TMEM33: variants seen among roughly 807,000 people sequenced by gnomAD.
The protein encoded by TMEM33 is transmembrane protein 33.
A neutral mutation model predicts 29.7 loss-of-function variants in TMEM33; 16 were observed. The ratio of observed to expected loss-of-function variants is 0.54; its 90% CI spans 0.36 to 0.82. The LOEUF is 0.82. TMEM33 is among the 40% of genes least tolerant of loss of function. The pLI, the probability that TMEM33 is intolerant of heterozygous loss-of-function variation, is 0.00. For synonymous variants in TMEM33, 112 were observed against 109.4 expected (o/e 1.02, Z -0.15); for missense variants, 252 against 295.3 (o/e 0.85, Z 1.08).
chr4:41,954,323 C>T lies in TMEM33; in HGVS notation c.*124C>T. Reference sequence around the variant, plus strand: ...CCAATTTACATAATTTACATAAATGCATCTCGGTGGAAAAATAATCATTTT... The same window carrying T: ...CCAATTTACATAATTTACATAAATGTATCTCGGTGGAAAAATAATCATTTT... On this transcript the variant is annotated 3_prime_UTR_variant, in exon 7 of 7. Transcript: ENST00000504986. 1 of 1,026,562 alleles carries T rather than the reference C, an allele frequency of 9.7e-7. No homozygotes were observed. The highest frequency in any genetic ancestry group is 2.3e-5 in the South Asian group (1 of 43,618). 63.6% of individuals were successfully genotyped at this position (1,026,562 alleles called of 1,614,324 possible). A position where few individuals can be genotyped will look rare whatever the true frequency, so the allele number is the denominator to read the frequency against.
chr4:41,952,948 T>C (rs1280908541), intron 6 of TMEM33, among the ~76,000 whole-genome samples: 2 of 152,090 alleles, frequency 1.3e-5, no homozygotes, highest in East Asian at 3.9e-4. Flanking sequence ...ACACTGTCCA[T>C]GTAGTATATT....
chr4:41,938,707 T>C lies in TMEM33; in HGVS notation c.140+11T>C. ...TCTGCCTCTTCTTGGGTATGTATTA[T>C]ACATATTGCTGCCTTTGATATTCAA... On this transcript the variant is annotated intron_variant, in intron 2 of 6. Coordinates refer to ENST00000504986, the MANE Select transcript of TMEM33 (RefSeq NM_018126.3). 3 of 1,613,010 alleles carry C rather than the reference T, an allele frequency of 1.9e-6. No homozygotes were observed. Among genetic ancestry groups the C allele is most frequent in the Non-Finnish European group, 2.5e-6 (3 of 1,179,028 alleles).
intron 1 of TMEM33, 119 bp from the exon 2 acceptor site, chr4:41,938,483 T>C: frequency 1.0e-6 from 1 of 956,814 alleles, no homozygotes; most frequent in South Asian, 1.5e-5. Context: ...CCTAATGATC[T>C]AAAAAAACAA....
At chr4:41,953,003 A>G (rs1713108229) in intron 6 of TMEM33, among the ~76,000 whole-genome samples, 1 of 152,096 alleles carries the variant, frequency 6.6e-6, no homozygotes, top group African/African-American at 2.4e-5. Context: ...TGCCTAAGTT[A>G]AATGTGAAAA....
At chr4:41,938,723 TG>T in intron 2 of TMEM33, 27 bp downstream of exon 2, 1 of 1,607,192 alleles carries the variant, frequency 6.2e-7, no homozygotes, top group Non-Finnish European at 8.5e-7. Flanking sequence ...TTGCTGCCTT[TG>T]ATATTCAATT....
At chr4:41,949,560 G>GT (rs1387160325) in intron 6 of TMEM33, among the ~76,000 whole-genome samples, 175 bp downstream of exon 6, 5 of 152,128 alleles carry the variant, frequency 3.3e-5, no homozygotes, top group African/African-American at 1.2e-4. Flanking sequence ...GGAAGTGGTT[G>GT]TATTTGTTCT....
At position 41,954,489 on chromosome 4, in the gene TMEM33, A is replaced by C. The variant is rs74553828; in HGVS notation, c.*290A>C. ...CTGTTGTGCCTATATCATGAAGTAC[A>C]TTAATTTCTCATGTAAAAAAAATAG... On this transcript the variant is annotated 3_prime_UTR_variant, in exon 7 of 7. Transcript: ENST00000504986. 17 of 191,498 alleles carry C rather than the reference A, an allele frequency of 8.9e-5. No homozygotes were observed. The highest frequency in any genetic ancestry group is 6.9e-4 in the Admixed American group (12 of 17,404). The allele number at this position is 191,498 out of a possible 1,614,324, so 11.9% of individuals were successfully genotyped here. A position where few individuals can be genotyped will look rare whatever the true frequency, so the allele number is the denominator to read the frequency against.
chr4:41,955,642 A>T lies in TMEM33; in HGVS notation c.*1443A>T, dbSNP rs974943698. On this transcript the variant is annotated 3_prime_UTR_variant, in exon 7 of 7. Coordinates refer to ENST00000504986, the MANE Select transcript of TMEM33 (RefSeq NM_018126.3). The stretch of plus-strand genomic sequence containing the variant: ...AAATTATACTTGATAGCTTAACTAT[A>T]ATCAGCTATTTTTGTATTTTTGTAA... The T allele has an allele frequency of 6.6e-6, 1 of 152,664 alleles. No homozygotes were observed. Among genetic ancestry groups the T allele is most frequent in the Non-Finnish European group, 1.5e-5 (1 of 68,038 alleles). 9.5% of individuals were successfully genotyped at this position (152,664 alleles called of 1,614,324 possible). A position where few individuals can be genotyped will look rare whatever the true frequency, so the allele number is the denominator to read the frequency against.
rs139347070 is a variant in TMEM33 at position 41,949,865 on chromosome 4, A to C, written c.614+480A>C. Among the ~76,000 whole-genome samples, 111 of 152,254 alleles carry C rather than the reference A, an allele frequency of 7.3e-4. 4 individuals carry two copies. The highest frequency in any genetic ancestry group is 2.5e-3 in the African/African-American group (104 of 41,546). ...CAAAATTGAGATTGTGGGAGGAGTA[A>C]AGCTTTTGAATAGGGAAAAGCATTT... On this transcript the variant is annotated intron_variant, in intron 6 of 6. Coordinates refer to ENST00000504986, the MANE Select transcript of TMEM33 (RefSeq NM_018126.3).
intron 4 of TMEM33, 83 bp downstream of exon 4, chr4:41,943,897 C>A: frequency 7.7e-7 from 1 of 1,294,850 alleles, no homozygotes; most frequent in South Asian, 1.2e-5. Context: ...TGGTATTTGT[C>A]ACAAAAAGTC....
Position 41,939,701 on chromosome 4 carries a change from A to C in TMEM33, c.328+318A>C, listed in dbSNP as rs1215890801. On this transcript the variant is annotated intron_variant, in intron 3 of 6. Transcript: ENST00000504986. ...TTTAATATTTACATTTTTTTCATTT[A>C]ATTCACGTTTTTGGCAAAGTGTCCA... 5.8e-5 allele frequency: 27 copies of C among 467,302 alleles called. 1 individual carries two copies. Among genetic ancestry groups the C allele is most frequent in the South Asian group, 4.0e-4 (26 of 64,502 alleles). The allele number at this position is 467,302 out of a possible 1,614,324, so 28.9% of individuals were successfully genotyped here.
At chr4:41,944,997 TTC>T in intron 5 of TMEM33, 71 bp downstream of exon 5, 2 of 1,570,754 alleles carry the variant, frequency 1.3e-6, no homozygotes, top group Non-Finnish European at 1.7e-6. Context: ...TCAAGTTTTA[TTC>T]TGTTTAAATC....
In TMEM33 at chr4:41,944,856, C is replaced by G. The variant is rs1473232089; in HGVS notation, c.460C>G (p.Gln154Glu). ...CTTGGACAAATTAAGTGCTAATCAA[C>G]AAAATATTCTGAAATTCATTGCTTG... ...SVLDKLSANQ[Q>E]NILKFIACNE... is the part of the protein sequence containing the mutation. Residue 154 changes from glutamine to glutamate, a missense_variant, in exon 5 of 7, where the codon CAA becomes GAA. Physicochemically the swap from Gln to Glu is conservative, Grantham distance 29 (BLOSUM62 2). Coordinates refer to ENST00000504986, the MANE Select transcript of TMEM33 (RefSeq NM_018126.3). 1 of 1,613,356 alleles carries G rather than the reference C, an allele frequency of 6.2e-7. No homozygotes were observed. Among genetic ancestry groups the G allele is most frequent in the Non-Finnish European group, 8.5e-7 (1 of 1,179,796 alleles).
chr4:41,949,982 A>C (rs1185020907), intron 6 of TMEM33, among the ~76,000 whole-genome samples: 1 of 152,196 alleles, frequency 6.6e-6, no homozygotes, highest in Non-Finnish European at 1.5e-5. Context: ...TGAATGGCTA[A>C]TTGCTGGAGC....
chr4:41,953,021 A>T (rs928047982), intron 6 of TMEM33, among the ~76,000 whole-genome samples: 1 of 151,940 alleles, frequency 6.6e-6, no homozygotes, highest in South Asian at 2.1e-4. Flanking sequence ...AAATGATGTG[A>T]CTCTAAAATA....
At chr4:41,938,243 G>C (rs1435348039) in intron 1 of TMEM33, among the ~76,000 whole-genome samples, 3 of 152,210 alleles carry the variant, frequency 2.0e-5, no homozygotes, top group Non-Finnish European at 4.4e-5. Context: ...TTTTAAAATA[G>C]ATGAAGCCAA....
chr4:41,945,008 T>G, intron 5 of TMEM33, 82 bp downstream of exon 5: 1 of 1,543,020 alleles, frequency 6.5e-7, no homozygotes, highest in Non-Finnish European at 8.7e-7. Flanking sequence ...TCTGTTTAAA[T>G]CTGTTGAAGG....
Position 41,939,252 on chromosome 4 carries a change from GTGC to G in TMEM33, c.199_201del (p.Ala67del). 1 of 1,612,652 alleles carries G rather than the reference GTGC, an allele frequency of 6.2e-7. No individual in the cohort carries two copies. Among genetic ancestry groups the G allele is most frequent in the Non-Finnish European group, 8.5e-7 (1 of 1,179,676 alleles). The stretch of plus-strand genomic sequence containing the variant: ...GCTTTGCTGGCAAATGCTCTTACCA[GTGC>G]TCTGAGGCTGCATCAAAGATTACCA... On this transcript the variant is annotated inframe_deletion, in exon 3 of 7. Transcript: ENST00000504986.
intron 1 of TMEM33, 98 bp downstream of exon 1, chr4:41,935,627 T>A: frequency 8.0e-7 from 1 of 1,257,462 alleles, no homozygotes; most frequent in Non-Finnish European, 1.1e-6. Flanking sequence ...CTCAGTGCAT[T>A]CAGGAATGGG....
Sources: gnomAD v4.1 joint callset for allele counts (sites outside exome capture counted in the v4.1 genomes callset) on GRCh38, gnomAD v4.1.1 for gene constraint, MANE v1.5 for transcripts, NCBI Gene and HGNC (gene_info 2026-07-23, HGNC 2026-07-21) for gene names.